GCNT1: variants seen among roughly 807,000 people sequenced by gnomAD.
GCNT1 encodes the protein glucosaminyl (N-acetyl) transferase 1.
A neutral mutation model predicts 26.2 loss-of-function variants in GCNT1; 16 were observed. The observed-to-expected ratio is 0.61, with a 90% CI of 0.41 to 0.93. GCNT1 has a LOEUF of 0.93. Ranked by LOEUF, GCNT1 falls within the 40% of genes least tolerant of loss-of-function variation. The pLI, the probability that GCNT1 is intolerant of heterozygous loss-of-function variation, is 0.00. For synonymous variants in GCNT1, 183 were observed against 190.8 expected (o/e 0.96, Z 0.34); for missense variants, 477 against 526.7 (o/e 0.91, Z 0.92).
intron 2 of GCNT1, among the ~76,000 whole-genome samples, chr9:76,491,867 G>A (rs907475463): frequency 4.6e-5 from 7 of 152,218 alleles, no homozygotes; most frequent in Non-Finnish European, 7.3e-5. Flanking sequence ...TGGTATCTAA[G>A]TAGGCAGTTG....
At chr9:76,454,401 A>G (rs1273481324), upstream of GCNT1, among the ~76,000 whole-genome samples, 1 of 150,108 alleles carries the variant, frequency 6.7e-6, no homozygotes, top group African/African-American at 2.4e-5. Flanking sequence ...AAAAAAAAAA[A>G]AAAAAAAAAA....
chr9:76,453,790 A>G (rs1823709338), intron 1 of GCNT1, among the ~76,000 whole-genome samples: 2 of 152,150 alleles, frequency 1.3e-5, no homozygotes, highest in South Asian at 4.1e-4. Context: ...AACTCACCCA[A>G]GAGTCCTCAA....
intron 2 of GCNT1, among the ~76,000 whole-genome samples, chr9:76,500,684 A>G (rs1181581547): frequency 6.6e-6 from 1 of 152,222 alleles, no homozygotes; most frequent in Admixed American, 6.5e-5. Flanking sequence ...TTTTCTTTCA[A>G]AGAACTTAAC....
intron 1 of GCNT1, among the ~76,000 whole-genome samples, chr9:76,436,337 C>T (rs531492732): frequency 6.3e-4 from 96 of 152,098 alleles, no homozygotes; most frequent in African/African-American, 2.0e-3. Flanking sequence ...TAGAAAGTCA[C>T]AATGCCTTGG....
rs563050172 is a variant in GCNT1 at position 76,507,191 on chromosome 9, T to A, written c.*3523T>A. 2.4e-5 allele frequency: 4 copies of A among 167,168 alleles called. No homozygotes were observed. The highest frequency in any genetic ancestry group is 9.6e-5 in the African/African-American group (4 of 41,578). The allele number at this position is 167,168 out of a possible 1,614,324, so 10.4% of individuals were successfully genotyped here. On this transcript the variant is annotated 3_prime_UTR_variant, in exon 4 of 4. Transcript: ENST00000376730. ...ACAATGATTGTATGGGTACTCAAAG[T>A]ATAATTTCTACTGAATGCATATCAC...
rs547754607 is a variant in GCNT1 at position 76,491,820 on chromosome 9, G to A, written c.-289-9096G>A. 2.0e-4 allele frequency among the ~76,000 whole-genome samples: 31 copies of A among 152,340 alleles called. 1 individual carries two copies. In the South Asian group the frequency reaches 6.2e-3, roughly 31 times the overall value. On this transcript the variant is annotated intron_variant, in intron 2 of 3. Transcript: ENST00000376730. Reference sequence around the variant, plus strand: ...TGGCAGGGTTGAGGGCTGCACACGTGCATATTTGAAGCACCGGTCCCTCAA... The same window carrying A: ...TGGCAGGGTTGAGGGCTGCACACGTACATATTTGAAGCACCGGTCCCTCAA...
Position 76,505,884 on chromosome 9 carries a change from C to T in GCNT1, c.*2216C>T, listed in dbSNP as rs1825224695. 1 of 165,828 alleles carries T rather than the reference C, an allele frequency of 6.0e-6. No homozygotes were observed. Among genetic ancestry groups the T allele is most frequent in the Admixed American group, 6.6e-5 (1 of 15,266 alleles). The allele number at this position is 165,828 out of a possible 1,614,324, so 10.3% of individuals were successfully genotyped here. On this transcript the variant is annotated 3_prime_UTR_variant, in exon 4 of 4. Coordinates refer to ENST00000376730, the MANE Select transcript of GCNT1 (RefSeq NM_001490.5). ...ACATAGGATTTTAGAGTCTATTTCC[C>T]CAAGCGCCACATTATAACTGTAAAC...
At chr9:76,409,648 G>A in the GCNT1 span, among the ~76,000 whole-genome samples, 16 of 152,120 alleles carry the variant, frequency 1.1e-4, no homozygotes, top group South Asian at 2.1e-4. Context: ...GTTTCACCAC[G>A]TTGCCCAGGC....
chr9:76,437,618 C>G (rs190893042), upstream of GCNT1, among the ~76,000 whole-genome samples: 3 of 152,164 alleles, frequency 2.0e-5, no homozygotes, highest in Non-Finnish European at 2.9e-5. Flanking sequence ...TTCTACTATA[C>G]TTGTTTTCAC....
chr9:76,445,620 C>T (rs1301963934), intron 1 of GCNT1, among the ~76,000 whole-genome samples: 2 of 150,572 alleles, frequency 1.3e-5, no homozygotes, highest in Non-Finnish European at 2.9e-5. Context: ...CTCGAACTCC[C>T]GAGCTCAAGC....
chr9:76,485,073 C>T (rs910427105), intron 2 of GCNT1, among the ~76,000 whole-genome samples: 16 of 151,838 alleles, frequency 1.1e-4, no homozygotes, highest in African/African-American at 3.1e-4. Context: ...TGGCGTGAGC[C>T]GCCGCGCCCG....
chr9:76,481,216 A>C (rs1346713870), intron 2 of GCNT1, among the ~76,000 whole-genome samples: 1 of 152,154 alleles, frequency 6.6e-6, no homozygotes, highest in East Asian at 1.9e-4. Flanking sequence ...AAAATAAATA[A>C]ATACATATAT....
At chr9:76,499,863 C>A (rs1825014574) in intron 2 of GCNT1, among the ~76,000 whole-genome samples, 1 of 152,010 alleles carries the variant, frequency 6.6e-6, no homozygotes, top group Non-Finnish European at 1.5e-5. Flanking sequence ...AACTATTTTT[C>A]TACCTCCCCA....
intron 2 of GCNT1, among the ~76,000 whole-genome samples, chr9:76,484,771 A>T (rs1460885455): frequency 6.7e-6 from 1 of 149,938 alleles, no homozygotes; most frequent in Non-Finnish European, 1.5e-5. Context: ...AACTGAGCAT[A>T]GCATACCATG....
intron 1 of GCNT1, among the ~76,000 whole-genome samples, chr9:76,421,693 T>G (rs1444773872): frequency 1.5e-5 from 2 of 136,870 alleles, no homozygotes; most frequent in African/African-American, 5.5e-5. Flanking sequence ...TAGGTTGTTT[T>G]TTTTTTTTTT....
intron 1 of GCNT1, 41 bp from the exon 2 acceptor site, chr9:76,460,019 A>G (rs545907946): frequency 6.6e-6 from 1 of 152,234 alleles, no homozygotes; most frequent in Non-Finnish European, 1.5e-5. Flanking sequence ...GGTTTTTGAA[A>G]TGGAAGAAGC....
chr9:76,461,340 C>A (rs576675949), intron 2 of GCNT1, among the ~76,000 whole-genome samples: 3 of 152,042 alleles, frequency 2.0e-5, no homozygotes, highest in Non-Finnish European at 4.4e-5. Context: ...CACCTGTAAT[C>A]CCGGCACTTT....
chr9:76,461,840 G>A (rs1397015434), intron 2 of GCNT1, among the ~76,000 whole-genome samples: 4 of 152,210 alleles, frequency 2.6e-5, no homozygotes, highest in Non-Finnish European at 4.4e-5. Flanking sequence ...GATGAGCAGG[G>A]ATCGTGCCAC....
chr9:76,473,734 T>G (rs1824191905), intron 2 of GCNT1, among the ~76,000 whole-genome samples: 1 of 152,212 alleles, frequency 6.6e-6, no homozygotes, highest in Non-Finnish European at 1.5e-5. Flanking sequence ...GGTCTCCTGC[T>G]GGGGCAGTCC....
Sources: allele counts gnomAD v4.1 joint callset (sites outside exome capture counted in the v4.1 genomes callset), GRCh38; gene constraint gnomAD v4.1.1; transcripts MANE v1.5; gene names NCBI Gene and HGNC (gene_info 2026-07-23, HGNC 2026-07-21).